C10orf90: variants seen among roughly 807,000 people sequenced by gnomAD.
C10orf90 encodes the protein (E2-independent) E3 ubiquitin-conjugating enzyme FATS.
A neutral mutation model predicts 62.5 loss-of-function variants in C10orf90; 56 were observed. That is an observed-to-expected ratio of 0.90 (90% CI 0.72 to 1.12). The LOEUF (loss-of-function observed/expected upper bound fraction) is 1.12, where lower values mean the gene tolerates loss of function less well. Ranked by LOEUF, C10orf90 falls within the 50% of genes most tolerant of loss-of-function variation. The pLI, the probability that C10orf90 is intolerant of heterozygous loss-of-function variation, is 0.00. For synonymous variants in C10orf90, 386 were observed against 340.4 expected (o/e 1.13, Z -1.47); for missense variants, 970 against 880.4 (o/e 1.10, Z -1.29).
chr10:126,460,504 C>T (rs889002438), intron 6 of C10orf90, among the ~76,000 whole-genome samples: 3 of 152,216 alleles, frequency 2.0e-5, no homozygotes, highest in South Asian at 2.1e-4. Context: ...GTCTTCTTGG[C>T]CAGCTCCCCA....
At chr10:126,495,807 A>T (rs1862015648) in intron 4 of C10orf90, among the ~76,000 whole-genome samples, 1 of 152,212 alleles carries the variant, frequency 6.6e-6, no homozygotes, top group African/African-American at 2.4e-5. Flanking sequence ...TTCAGAACTC[A>T]TCATGCTACT....
At chr10:126,565,043 AATATATAATATATAAAATATATATT>A (rs1564873845) in intron 2 of C10orf90, among the ~76,000 whole-genome samples, 811 of 12,396 alleles carry the variant, frequency 0.065, 66 homozygotes, top group Admixed American at 0.1. Context: ...TAAAATATAT[AATATATAATATATAAAATATATATT>A]ATATATAATA....
chr10:126,622,278 G>C (rs1307874529), intron 2 of C10orf90, among the ~76,000 whole-genome samples: 2 of 152,146 alleles, frequency 1.3e-5, no homozygotes, highest in Non-Finnish European at 2.9e-5. Context: ...TAGCTCGGCT[G>C]ATGAAGAATA....
rs116742071 is a variant in C10orf90, at chr10:126,661,595, T to G, written c.240+8646A>C. Among the ~76,000 whole-genome samples the G allele has an allele frequency of 9.1e-3, 1,385 of 152,034 alleles. 21 individuals are homozygous for G. Among genetic ancestry groups the G allele is most frequent in the African/African-American group, 0.031 (1,293 of 41,474 alleles). ...CCCTGATGGAAATTGACCAAAATGATGTCAGATAGATCTTACAGTGCTCTT... is the reference window on the plus strand; with the variant it reads ...CCCTGATGGAAATTGACCAAAATGAGGTCAGATAGATCTTACAGTGCTCTT... On this transcript the variant is annotated intron_variant, in intron 1 of 9. Transcript: ENST00000488181.
rs1166209705 is a variant in C10orf90 at position 126,456,169 on chromosome 10, G to C, written c.2188+2871C>G. The stretch of plus-strand genomic sequence containing the variant: ...CTTTTATCATCTTGCCAGCAGACAG[G>C]CTGAAGACAAGATGTGTACTGCAGA... On this transcript the variant is annotated intron_variant, in intron 7 of 9. Coordinates refer to ENST00000488181, the MANE Select transcript of C10orf90 (RefSeq NM_001350921.2). This position sits in a 1 kb window ranked among gnomAD's most constrained non-coding sequence, Gnocchi z 4.9. 6.6e-6 allele frequency among the ~76,000 whole-genome samples: 1 copy of C among 152,218 alleles called. No individual in the cohort carries two copies. Among genetic ancestry groups the C allele is most frequent in the African/African-American group, 2.4e-5 (1 of 41,466 alleles).
intron 4 of C10orf90, among the ~76,000 whole-genome samples, chr10:126,476,239 G>A (rs1332851482): frequency 6.6e-6 from 1 of 152,212 alleles, no homozygotes; most frequent in African/African-American, 2.4e-5. Flanking sequence ...TAGCCCGGCT[G>A]ACATCATCTC....
chr10:126,647,254 G>A (rs568019565), intron 1 of C10orf90, among the ~76,000 whole-genome samples: 1 of 152,232 alleles, frequency 6.6e-6, no homozygotes, highest in East Asian at 1.9e-4. Flanking sequence ...TCCATACTGG[G>A]TTTGCCTGTC....
At chr10:126,457,133 C>T (rs1859637470) in intron 7 of C10orf90, among the ~76,000 whole-genome samples, 1 of 152,162 alleles carries the variant, frequency 6.6e-6, no homozygotes, top group African/African-American at 2.4e-5. Context: ...AGACTACAGG[C>T]ATGCACCATC....
chr10:126,502,390 G>A (rs1424173930), intron 4 of C10orf90, among the ~76,000 whole-genome samples: 2 of 152,214 alleles, frequency 1.3e-5, no homozygotes, highest in Non-Finnish European at 2.9e-5. Flanking sequence ...TTTTTCTGGG[G>A]GATGTTGGCC....
chr10:126,582,054 A>G (rs2134016828), intron 2 of C10orf90, among the ~76,000 whole-genome samples: 1 of 152,310 alleles, frequency 6.6e-6, no homozygotes, highest in South Asian at 2.1e-4. Context: ...GGAACAGCAT[A>G]TTCCCGGCAT....
chr10:126,460,816 T>G (rs1294921997), intron 6 of C10orf90, among the ~76,000 whole-genome samples: 2 of 152,228 alleles, frequency 1.3e-5, no homozygotes, highest in Non-Finnish European at 2.9e-5. Flanking sequence ...CAAGAAGGTG[T>G]GGCTAGCTGT....
chr10:126,425,337 C>T lies in C10orf90; in HGVS notation c.*527G>A, dbSNP rs1243113102. The T allele has an allele frequency of 6.5e-6, 1 of 153,750 alleles. No homozygotes were observed. The highest frequency in any genetic ancestry group is 2.4e-5 in the African/African-American group (1 of 41,456). 9.5% of individuals were successfully genotyped at this position (153,750 alleles called of 1,614,324 possible). ...TCCACAGCCTCGGGCATTGCACCCA[C>T]CGGTTTCCAAGTCAGCCTCTAGCAT... On this transcript the variant is annotated 3_prime_UTR_variant, in exon 10 of 10. Coordinates refer to ENST00000488181, the MANE Select transcript of C10orf90 (RefSeq NM_001350921.2).
At chr10:126,604,339 G>A (rs1032565890) in intron 2 of C10orf90, among the ~76,000 whole-genome samples, 1 of 152,160 alleles carries the variant, frequency 6.6e-6, no homozygotes, top group Non-Finnish European at 1.5e-5. Flanking sequence ...AAAAATGCCT[G>A]CAGGTAATTT....
In C10orf90 at chr10:126,532,842, C is replaced by CAAAAAA. The variant is rs1269013268; in HGVS notation, c.314-18909_314-18904dup. 5.8e-4 allele frequency among the ~76,000 whole-genome samples: 7 copies of CAAAAAA among 12,098 alleles called. 2 individuals are homozygous for CAAAAAA. Among genetic ancestry groups the CAAAAAA allele is most frequent in the East Asian group, 5.3e-3 (2 of 374 alleles). The allele number at this position is 12,098 out of a possible 152,430, so 7.9% of individuals were successfully genotyped here. A position where few individuals can be genotyped will look rare whatever the true frequency, so the allele number is the denominator to read the frequency against. On this transcript the variant is annotated intron_variant, in intron 2 of 9. Transcript: ENST00000488181. ...TGGGCAACAGAGCGAGACTACGTCT[C>CAAAAAA]AAAAAAAAAAAAAAATAGTGAGCAC... is the stretch of plus-strand genomic sequence containing the variant.
intron 2 of C10orf90, among the ~76,000 whole-genome samples, chr10:126,533,385 A>G (rs1864154762): frequency 6.6e-6 from 1 of 152,202 alleles, no homozygotes; most frequent in South Asian, 2.1e-4. Context: ...ATTAAGATCA[A>G]GGTGATAGCA....
chr10:126,457,408 T>C (rs1279834927), intron 7 of C10orf90, among the ~76,000 whole-genome samples: 1 of 152,218 alleles, frequency 6.6e-6, no homozygotes, highest in Admixed American at 6.5e-5. Flanking sequence ...TCCAGACCAC[T>C]TGTGGCTGGC....
rs187049982 is a variant in C10orf90, at chr10:126,564,937, A to T, written c.314-50998T>A. On this transcript the variant is annotated intron_variant, in intron 2 of 9. Coordinates refer to ENST00000488181, the MANE Select transcript of C10orf90 (RefSeq NM_001350921.2). Reference sequence around the variant, plus strand: ...TATTATATATAATATATAAAATATAAAATATATATAATATATAAAATATAA... The same window carrying T: ...TATTATATATAATATATAAAATATATAATATATATAATATATAAAATATAA... Among the ~76,000 whole-genome samples the T allele has an allele frequency of 5.0e-3, 23 of 4,568 alleles. 1 individual carries two copies. The highest frequency in any genetic ancestry group is 9.8e-3 in the South Asian group (1 of 102). 3.0% of individuals were successfully genotyped at this position (4,568 alleles called of 152,430 possible).
chr10:126,608,752 T>C (rs558765871), intron 2 of C10orf90, among the ~76,000 whole-genome samples: 44 of 152,350 alleles, frequency 2.9e-4, no homozygotes, highest in African/African-American at 9.9e-4. Context: ...AGGCTTCTCA[T>C]ACTGTTTTTG....
At chr10:126,488,208 T>C (rs145507763) in intron 4 of C10orf90, among the ~76,000 whole-genome samples, 24 of 152,262 alleles carry the variant, frequency 1.6e-4, no homozygotes, top group Non-Finnish European at 2.5e-4. Context: ...AAATGTATGA[T>C]AATAACTAGC....
Sources: allele counts gnomAD v4.1 joint callset (sites outside exome capture counted in the v4.1 genomes callset), GRCh38; gene constraint gnomAD v4.1.1; non-coding constraint Gnocchi (gnomAD v3.1); transcripts MANE v1.5; gene names NCBI Gene and HGNC (gene_info 2026-07-23, HGNC 2026-07-21).